Variants in TRHDE observed in about 807,000 individuals in gnomAD.
TRHDE encodes thyrotropin-releasing hormone-degrading ectoenzyme.
Under a neutral mutation model 125.7 loss-of-function variants are expected in TRHDE, and 72 were observed. The observed-to-expected ratio is 0.57, with a 90% CI of 0.47 to 0.70. TRHDE has a LOEUF of 0.70. TRHDE is among the 30% of genes least tolerant of loss of function. The pLI is 0.00. For synonymous variants in TRHDE, 509 were observed against 509.1 expected (o/e 1.00, Z 0.00); for missense variants, 1,110 against 1,327.1 (o/e 0.84, Z 2.54).
intron 2 of TRHDE, among the ~76,000 whole-genome samples, chr12:72,181,688 A>C (rs1877099590): frequency 6.6e-6 from 1 of 152,056 alleles, no homozygotes; most frequent in South Asian, 2.1e-4. Context: ...TTGACTGGAG[A>C]CTAGTTTCTA....
At chr12:72,372,704 A>G (rs1871665479) in intron 2 of TRHDE, among the ~76,000 whole-genome samples, 1 of 152,290 alleles carries the variant, frequency 6.6e-6, no homozygotes, top group South Asian at 2.1e-4. Context: ...GGTTGTAGAT[A>G]TGCGGCACTA....
chr12:72,525,660 T>A (rs1280751816), intron 6 of TRHDE, among the ~76,000 whole-genome samples: 1 of 144,842 alleles, frequency 6.9e-6, no homozygotes, highest in East Asian at 2.0e-4. Context: ...AGAGAGAAAG[T>A]TGGTGATTTT....
At chr12:72,641,592 C>T (rs114948534) in intron 15 of TRHDE, among the ~76,000 whole-genome samples, 1,663 of 152,108 alleles carry the variant, frequency 0.011, 31 homozygotes, top group African/African-American at 0.038. Context: ...TATTATATGA[C>T]TAATTATTAA....
intron 2 of TRHDE, among the ~76,000 whole-genome samples, chr12:72,291,668 C>A (rs190953274): frequency 6.6e-6 from 1 of 152,270 alleles, no homozygotes; most frequent in Admixed American, 6.5e-5. Flanking sequence ...CCCAACAATA[C>A]AATATGGCAA....
intron 2 of TRHDE, among the ~76,000 whole-genome samples, chr12:72,241,828 G>A (rs568556341): frequency 2.0e-5 from 3 of 152,064 alleles, no homozygotes; most frequent in Non-Finnish European, 4.4e-5. Context: ...CAGTCTTTTC[G>A]TTAGGTTTTT....
chr12:72,184,075 T>G (rs1224165178), intron 2 of TRHDE, among the ~76,000 whole-genome samples: 1 of 152,148 alleles, frequency 6.6e-6, no homozygotes, highest in African/African-American at 2.4e-5. Context: ...ACAACACAAA[T>G]GTAGGCAAGT....
chr12:72,593,204 C>T (rs1565802941), intron 12 of TRHDE, among the ~76,000 whole-genome samples: 1 of 152,124 alleles, frequency 6.6e-6, no homozygotes, highest in South Asian at 2.1e-4. Flanking sequence ...TTTTTGCTGT[C>T]ACTATGCCAC....
chr12:72,400,269 TAATATTAA>T (rs1872982939), intron 3 of TRHDE, among the ~76,000 whole-genome samples: 1 of 152,158 alleles, frequency 6.6e-6, no homozygotes, highest in Admixed American at 6.5e-5. Flanking sequence ...TCAAGTTTAT[TAATATTAA>T]AATTATTCCT....
At chr12:72,142,016 G>A (rs1490147714) in intron 2 of TRHDE, among the ~76,000 whole-genome samples, 6 of 151,890 alleles carry the variant, frequency 4.0e-5, no homozygotes, top group African/African-American at 1.4e-4. Flanking sequence ...AAATTTCCTG[G>A]GCATGCACAT....
intron 5 of TRHDE, among the ~76,000 whole-genome samples, chr12:72,481,673 C>T (rs1230667672): frequency 6.6e-6 from 1 of 150,704 alleles, no homozygotes; most frequent in Non-Finnish European, 1.5e-5. Flanking sequence ...TTTGCTAGAA[C>T]ATGTTTTGAC....
At chr12:72,570,399 G>A (rs1398692639) in intron 10 of TRHDE, among the ~76,000 whole-genome samples, 1 of 151,864 alleles carries the variant, frequency 6.6e-6, no homozygotes, top group Non-Finnish European at 1.5e-5. Context: ...TGGCCAACAT[G>A]ATGAAACTCC....
intron 12 of TRHDE, among the ~76,000 whole-genome samples, chr12:72,584,948 T>A (rs1166543546): frequency 6.6e-6 from 1 of 152,210 alleles, no homozygotes; most frequent in African/African-American, 2.4e-5. Context: ...ATAGCCAAAG[T>A]AGAGCCTTTG....
chr12:72,331,392 C>G lies in TRHDE; in HGVS notation c.1188+44438C>G, dbSNP rs1191378870. Among the ~76,000 whole-genome samples, 9 of 66,326 alleles carry G rather than the reference C, an allele frequency of 1.4e-4. 1 individual carries two copies. In the South Asian group the frequency reaches 4.5e-3, roughly 33 times the overall value. 43.5% of individuals were successfully genotyped at this position (66,326 alleles called of 152,430 possible). A position where few individuals can be genotyped will look rare whatever the true frequency, so the allele number is the denominator to read the frequency against. On this transcript the variant is annotated intron_variant, in intron 2 of 18. Transcript: ENST00000261180. ...AAAGCTACTGAAGATCATTAATTCT[C>G]TTTACTTACTTAGCAACAAGAAAGT...
At chr12:72,532,857 G>GGTAA (rs1439570379) in intron 6 of TRHDE, among the ~76,000 whole-genome samples, 1 of 150,080 alleles carries the variant, frequency 6.7e-6, no homozygotes, top group Non-Finnish European at 1.5e-5. Flanking sequence ...TTATATATGT[G>GGTAA]GTATTTATCC....
chr12:72,275,205 A>T (rs1277883125), intron 1 of TRHDE, among the ~76,000 whole-genome samples: 1 of 152,234 alleles, frequency 6.6e-6, no homozygotes, highest in Non-Finnish European at 1.5e-5. Flanking sequence ...GACAGAGCTT[A>T]TGGTGTTTGG....
chr12:72,150,683 A>G (rs1876340027), intron 2 of TRHDE, among the ~76,000 whole-genome samples: 1 of 151,736 alleles, frequency 6.6e-6, no homozygotes. Context: ...TTTGCTGAGA[A>G]TGATGGTCTC....
intron 3 of TRHDE, among the ~76,000 whole-genome samples, chr12:72,442,665 A>G (rs1875071759): frequency 6.6e-6 from 1 of 151,766 alleles, no homozygotes; most frequent in African/African-American, 2.4e-5. Flanking sequence ...AGTAGATCCA[A>G]ACAGCATTCG....
chr12:72,370,428 T>C (rs902379935), intron 2 of TRHDE, among the ~76,000 whole-genome samples: 10 of 152,174 alleles, frequency 6.6e-5, no homozygotes, highest in Non-Finnish European at 1.0e-4. Context: ...ATTCTGATCA[T>C]GTCATTCTAT....
At position 72,507,017 on chromosome 12, in the gene TRHDE, C is replaced by T. The variant is rs1163777482; in HGVS notation, c.1722+7382C>T. ...TGGCTGTTAAATATGTATACCACCT[C>T]ACCCTACTCTCTTCTTCCTCTTGCT... On this transcript the variant is annotated intron_variant, in intron 6 of 18. Transcript: ENST00000261180. Among the ~76,000 whole-genome samples the T allele has an allele frequency of 5.3e-5, 8 of 152,118 alleles. No individual in the cohort carries two copies. The East Asian group carries it at 1.4e-3, about 26-fold the overall frequency.
Sources: gnomAD v4.1 joint callset for allele counts (sites outside exome capture counted in the v4.1 genomes callset) on GRCh38, gnomAD v4.1.1 for gene constraint, MANE v1.5 for transcripts, NCBI Gene and HGNC (gene_info 2026-07-23, HGNC 2026-07-21) for gene names.